The following ATP8B1 variants were observed in gnomAD, a reference collection of about 807,000 sequenced individuals.
The protein encoded by ATP8B1 is ATPase phospholipid transporting 8B1.
In ATP8B1, 80 loss-of-function variants were observed where a neutral mutation model predicts 149.9. The observed-to-expected ratio is 0.53, with a 90% CI of 0.45 to 0.64. The LOEUF is 0.64. Among genes scored for constraint, ATP8B1 ranks in the 30% least tolerant of loss-of-function variants. The pLI, the probability that ATP8B1 is intolerant of heterozygous loss-of-function variation, is 0.00. For missense variants in ATP8B1, 1,247 were observed against 1,552.6 expected (o/e 0.80, Z 3.31); for synonymous variants, 536 against 562.8 (o/e 0.95, Z 0.67).
intron 1 of ATP8B1, among the ~76,000 whole-genome samples, chr18:57,767,787 C>CT (rs2080226763): frequency 8.8e-6 from 1 of 113,750 alleles, no homozygotes; most frequent in South Asian, 2.7e-4. Flanking sequence ...AAAACTCCAT[C>CT]TAAAAAAAAA....
At chr18:57,678,358 C>T (rs141986218) in intron 15 of ATP8B1, among the ~76,000 whole-genome samples, 2,315 of 152,132 alleles carry the variant, frequency 0.015, 75 homozygotes, top group African/African-American at 0.053. Context: ...GAGGCTGAGG[C>T]GGGTGGATCA....
chr18:57,680,302 A>AAAAAAAAAAAAAAAAAT (rs1911874737), intron 15 of ATP8B1, among the ~76,000 whole-genome samples: 1 of 121,358 alleles, frequency 8.2e-6, no homozygotes, highest in Admixed American at 8.7e-5. Context: ...AAAAAAAAAA[A>AAAAAAAAAAAAAAAAAT]GACTGGGTGT....
intron 4 of ATP8B1, among the ~76,000 whole-genome samples, chr18:57,703,529 T>C (rs1913230666): frequency 6.9e-6 from 1 of 144,918 alleles, no homozygotes; most frequent in Non-Finnish European, 1.5e-5. Flanking sequence ...TGAGCCAAGA[T>C]GGTGCCACTG....
chr18:57,774,381 T>G (rs1484572330), intron 1 of ATP8B1, among the ~76,000 whole-genome samples: 2 of 152,250 alleles, frequency 1.3e-5, no homozygotes, highest in African/African-American at 4.8e-5. Flanking sequence ...GTGGAACACC[T>G]GAGGTCAGGA....
At chr18:57,731,581 A>C in intron 2 of ATP8B1, 46 bp downstream of exon 2, 1 of 1,603,450 alleles carries the variant, frequency 6.2e-7, no homozygotes, top group Non-Finnish European at 8.5e-7. Flanking sequence ...CATGACCCAC[A>C]TGAGGATTTA....
intron 12 of ATP8B1, among the ~76,000 whole-genome samples, chr18:57,690,697 C>T (rs1189073995): frequency 3.9e-5 from 6 of 152,266 alleles, no homozygotes; most frequent in Admixed American, 2.0e-4. Context: ...AGCAAATGCA[C>T]ATATAATGAC....
chr18:57,744,599 G>A (rs1002648890), intron 1 of ATP8B1, among the ~76,000 whole-genome samples: 4 of 152,152 alleles, frequency 2.6e-5, no homozygotes, highest in African/African-American at 9.7e-5. Context: ...GTCATCCTTA[G>A]TTGTTAGGGA....
rs515726137 is a variant in ATP8B1 at position 57,669,422 on chromosome 18, C to A, written c.1993G>T (p.Glu665Ter). 6 of 1,613,482 alleles carry A rather than the reference C, an allele frequency of 3.7e-6. No homozygotes were observed. The Admixed American group carries it at 5.0e-5, about 13-fold the overall frequency. The change falls in exon 18 of 28, where the codon GAA becomes TAA. Residue 665 changes from glutamate to a stop codon, truncating the protein, a stop_gained. Coordinates refer to ENST00000648908, the MANE Select transcript of ATP8B1 (RefSeq NM_001374385.1). LOFTEE classifies it high-confidence loss of function. The stretch of plus-strand genomic sequence containing the variant: ...AACTTTTTATTCCATTCTGTAAATT[C>A]TTTTTCTTCAATTTCCTTGTAGCAA... ...CLCYKEIEEK[E>*]FTEWNKKFMA...
chr18:57,754,495 C>T (rs1425013568), intron 1 of ATP8B1, among the ~76,000 whole-genome samples: 2 of 151,832 alleles, frequency 1.3e-5, no homozygotes, highest in Non-Finnish European at 2.9e-5. Context: ...CTCAGTTTAT[C>T]ATCTGTAAAA....
intron 12 of ATP8B1, among the ~76,000 whole-genome samples, chr18:57,690,516 T>C (rs1186741606): frequency 6.6e-6 from 1 of 152,266 alleles, no homozygotes; most frequent in Admixed American, 6.5e-5. Context: ...CAGTTTCTTT[T>C]ATAATACACA....
chr18:57,723,825 C>A (rs1411195183), intron 2 of ATP8B1, among the ~76,000 whole-genome samples: 1 of 149,542 alleles, frequency 6.7e-6, no homozygotes, highest in East Asian at 2.0e-4. Context: ...AAGCTGGAGG[C>A]ATCACACTAC....
Position 57,697,806 on chromosome 18 carries a change from C to A in ATP8B1, c.616G>T (p.Asp206Tyr). The change falls in exon 7 of 28, where the codon GAT becomes TAT. Residue 206 changes from aspartate to tyrosine, a missense_variant. Physicochemically the swap from Asp to Tyr is radical, Grantham distance 160. Around this residue, in one of 3 missense-constraint regions of ATP8B1, gnomAD observed 853 missense variants for 1,035.7 expected, o/e 0.82. Transcript: ENST00000648908. ...ATTTGTTCACTTACTGGAACAAAAT[C>A]ATTTTTTTTCAGACGAATGACGTCT... Reference protein sequence around the residue: ...VGDVIRLKKNDFVPADILLLS... With the variant: ...VGDVIRLKKNYFVPADILLLS... 6.2e-7 allele frequency: 1 copy of A among 1,613,852 alleles called. No homozygotes were observed. The highest frequency in any genetic ancestry group is 8.5e-7 in the Non-Finnish European group (1 of 1,179,892).
chr18:57,758,159 C>A (rs1298800851), intron 1 of ATP8B1, among the ~76,000 whole-genome samples: 2 of 152,054 alleles, frequency 1.3e-5, no homozygotes, highest in African/African-American at 4.8e-5. Context: ...AAGTCTGGCC[C>A]CATCCTTGAT....
intron 21 of ATP8B1, among the ~76,000 whole-genome samples, 177 bp downstream of exon 21, chr18:57,662,306 G>T (rs1910508951): frequency 6.6e-6 from 1 of 152,132 alleles, no homozygotes; most frequent in African/African-American, 2.4e-5. Context: ...TACCTCTTTG[G>T]TATACATCCT....
chr18:57,668,311 T>G (rs1911008242), intron 19 of ATP8B1, 118 bp downstream of exon 19: 1 of 1,334,948 alleles, frequency 7.5e-7, no homozygotes, highest in South Asian at 1.2e-5. Context: ...GCATCTTCCG[T>G]CCAAAGAAAC....
rs766369624 is a variant in ATP8B1 at position 57,668,411 on chromosome 18, C to T, written c.2209+18G>A. 6 of 1,561,328 alleles carry T rather than the reference C, an allele frequency of 3.8e-6. No individual in the cohort carries two copies. The East Asian group carries it at 6.7e-5, about 18-fold the overall frequency. On this transcript the variant is annotated intron_variant, in intron 19 of 27. Transcript: ENST00000648908. Reference sequence around the variant, plus strand: ...TATTTGTGAATTAACAGATATGCTTCCCTGCACAATGAATTACCCTTTTTG... The same window carrying T: ...TATTTGTGAATTAACAGATATGCTTTCCTGCACAATGAATTACCCTTTTTG...
chr18:57,653,944 C>T (rs765607674), intron 24 of ATP8B1, 48 bp downstream of exon 24: 29 of 1,508,990 alleles, frequency 1.9e-5, no homozygotes, highest in South Asian at 3.4e-5. Context: ...ACTTCTCTAA[C>T]GCATTCTCAT....
intron 1 of ATP8B1, among the ~76,000 whole-genome samples, chr18:57,750,126 C>A (rs969515960): frequency 6.6e-6 from 1 of 152,104 alleles, no homozygotes; most frequent in African/African-American, 2.4e-5. Context: ...GCCTGTAATC[C>A]CAGCTACTCA....
At chr18:57,690,279 G>A (rs1308072529) in intron 12 of ATP8B1, among the ~76,000 whole-genome samples, 2 of 152,190 alleles carry the variant, frequency 1.3e-5, no homozygotes, top group Non-Finnish European at 2.9e-5. Flanking sequence ...AGTGGCAGAA[G>A]CCCAGGGAGG....
Sources: gnomAD v4.1 joint callset for allele counts (sites outside exome capture counted in the v4.1 genomes callset) on GRCh38, gnomAD v4.1.1 for gene constraint, gnomAD v4.1.1 regional missense constraint, MANE v1.5 for transcripts, NCBI Gene and HGNC (gene_info 2026-07-23, HGNC 2026-07-21) for gene names.